MARCHF8: variants seen among roughly 807,000 people sequenced by gnomAD.
MARCHF8 encodes the protein E3 ubiquitin-protein ligase MARCHF8.
In MARCHF8, 40 loss-of-function variants were observed where a neutral mutation model predicts 51.6. The ratio of observed to expected loss-of-function variants is 0.77; its 90% confidence interval spans 0.60 to 1.01. The LOEUF (loss-of-function observed/expected upper bound fraction) is 1.01, where lower values mean the gene tolerates loss of function less well. Among genes scored for constraint, MARCHF8 ranks in the 50% least tolerant of loss-of-function variants. MARCHF8 has a pLI of 0.00. For missense variants in MARCHF8, 685 were observed against 708.6 expected, an observed-to-expected ratio of 0.97 and a Z score of 0.38; for synonymous variants, 263 against 280.3, an observed-to-expected ratio of 0.94 and a Z score of 0.62.
chr10:45,497,832 A>G (rs1190258574), intron 2 of MARCHF8, among the ~76,000 whole-genome samples: 1 of 152,212 alleles, frequency 6.6e-6, no homozygotes, highest in Admixed American at 6.5e-5. Context: ...GATTAAAGAA[A>G]GGTACAGAGA....
At chr10:45,568,758 C>A (rs1453010523) in intron 1 of MARCHF8, among the ~76,000 whole-genome samples, 1 of 143,284 alleles carries the variant, frequency 7.0e-6, no homozygotes, top group Non-Finnish European at 1.5e-5. Context: ...CTAATGATAG[C>A]TGGTGAGCTT....
intron 3 of MARCHF8, among the ~76,000 whole-genome samples, chr10:45,488,314 T>C (rs2043020529): frequency 6.6e-6 from 1 of 152,108 alleles, no homozygotes; most frequent in Non-Finnish European, 1.5e-5. Flanking sequence ...CTGAAAATGG[T>C]GACTCTCAGC....
chr10:45,458,668 T>C, intron 7 of MARCHF8, 125 bp from the exon 8 acceptor site: 1 of 1,041,206 alleles, frequency 9.6e-7, no homozygotes, highest in Non-Finnish European at 1.4e-6. Flanking sequence ...AGAGATGGAG[T>C]CTTGCTATGT....
chr10:45,506,422 G>C (rs2043387114), intron 2 of MARCHF8, among the ~76,000 whole-genome samples: 1 of 152,078 alleles, frequency 6.6e-6, no homozygotes, highest in African/African-American at 2.4e-5. Context: ...TAATGTCTAA[G>C]ATTATGGAAA....
intron 1 of MARCHF8, among the ~76,000 whole-genome samples, chr10:45,571,051 T>C (rs2044422917): frequency 6.6e-6 from 1 of 152,162 alleles, no homozygotes; most frequent in Non-Finnish European, 1.5e-5. Flanking sequence ...TTATAGAAAT[T>C]AGGCTTTTGA....
intron 3 of MARCHF8, among the ~76,000 whole-genome samples, chr10:45,479,030 A>G (rs894898506): frequency 1.3e-5 from 2 of 152,206 alleles, no homozygotes; most frequent in Non-Finnish European, 2.9e-5. Context: ...CCAAAACCAG[A>G]CAAGGACACA....
At position 45,545,878 on chromosome 10, in the gene MARCHF8, C is replaced by T. The variant is rs2044113384; in HGVS notation, c.-78-12589G>A. 2.6e-5 allele frequency among the ~76,000 whole-genome samples: 4 copies of T among 152,150 alleles called. No homozygotes were observed. In the South Asian group the frequency reaches 8.3e-4, roughly 31 times the overall value. ...CGCCCTCTGTCTCACTCTCACTTAA[C>T]CACTGGTTAGCAAGGCTAACCTTAA... On this transcript the variant is annotated intron_variant, in intron 1 of 6. Transcript: ENST00000319836.
In MARCHF8 at chr10:45,558,726, G is replaced by A. The variant is rs185840856; in HGVS notation, c.-78-25437C>T. ...TACATACAAACATACATATGTGTAT[G>A]TATGTATAACACCCAGCTACTGACA... is the stretch of plus-strand genomic sequence containing the variant. On this transcript the variant is annotated intron_variant, in intron 1 of 6. Coordinates refer to the MARCHF8 transcript ENST00000319836. Among the ~76,000 whole-genome samples, 179 of 152,342 alleles carry A rather than the reference G, an allele frequency of 1.2e-3. 1 individual carries two copies. The highest frequency in any genetic ancestry group is 3.8e-3 in the African/African-American group (160 of 41,572).
At chr10:45,502,817 G>GA (rs2133150611) in intron 2 of MARCHF8, among the ~76,000 whole-genome samples, 1 of 152,216 alleles carries the variant, frequency 6.6e-6, no homozygotes, top group East Asian at 1.9e-4. Context: ...AATGATACCA[G>GA]AAAACAATGT....
chr10:45,541,909 G>A (rs1011451576), intron 1 of MARCHF8, among the ~76,000 whole-genome samples: 1 of 152,212 alleles, frequency 6.6e-6, no homozygotes, highest in Non-Finnish European at 1.5e-5. Context: ...GACTGTGCCA[G>A]AGCAAAGGAC....
At chr10:45,577,375 A>C (rs2044502037) in intron 1 of MARCHF8, among the ~76,000 whole-genome samples, 1 of 152,146 alleles carries the variant, frequency 6.6e-6, no homozygotes, top group Non-Finnish European at 1.5e-5. Flanking sequence ...GTGTAATTGG[A>C]TTGCTTGTAA....
chr10:45,487,733 A>G lies in MARCHF8; in HGVS notation c.153+1634T>C, dbSNP rs541257707. ...TTACAAATATGCCTAAGAACAGACAAATGTCTTAAGAAGGTTTGCCAGAGT... is the reference window on the plus strand; with the variant it reads ...TTACAAATATGCCTAAGAACAGACAGATGTCTTAAGAAGGTTTGCCAGAGT... On this transcript the variant is annotated intron_variant, in intron 3 of 7. Transcript: ENST00000453424. Among the ~76,000 whole-genome samples the G allele has an allele frequency of 4.6e-5, 7 of 152,306 alleles. No homozygotes were observed. The South Asian group carries it at 1.4e-3, about 32-fold the overall frequency.
At chr10:45,567,733 G>A (rs1411809263) in intron 1 of MARCHF8, among the ~76,000 whole-genome samples, 2 of 152,122 alleles carry the variant, frequency 1.3e-5, no homozygotes, top group East Asian at 1.9e-4. Context: ...CTCCAGTCTT[G>A]TTCTTTTGCT....
At chr10:45,478,311 A>G (rs2042822835) in intron 3 of MARCHF8, among the ~76,000 whole-genome samples, 1 of 152,238 alleles carries the variant, frequency 6.6e-6, no homozygotes, top group Non-Finnish European at 1.5e-5. Context: ...GTGAAGGAAG[A>G]AATTAAGGAG....
intron 1 of MARCHF8, among the ~76,000 whole-genome samples, chr10:45,589,335 C>G (rs1042395814): frequency 1.3e-5 from 2 of 152,124 alleles, no homozygotes; most frequent in Non-Finnish European, 2.9e-5. Context: ...AGTCACATGG[C>G]TATAAGCAAG....
chr10:45,512,692 C>G (rs1416969627), intron 2 of MARCHF8, among the ~76,000 whole-genome samples: 1 of 152,108 alleles, frequency 6.6e-6, no homozygotes, highest in African/African-American at 2.4e-5. Context: ...TGAGGAGCCC[C>G]TCTGCCCGGC....
chr10:45,536,734 G>A (rs1028445538), upstream of MARCHF8, among the ~76,000 whole-genome samples: 2 of 151,442 alleles, frequency 1.3e-5, no homozygotes, highest in African/African-American at 2.4e-5. Context: ...AGTAGCTCAC[G>A]CCTATCATCT....
intron 3 of MARCHF8, among the ~76,000 whole-genome samples, chr10:45,481,993 A>G (rs942172837): frequency 1.3e-5 from 2 of 152,240 alleles, no homozygotes; most frequent in Non-Finnish European, 2.9e-5. Flanking sequence ...ATAAACATAC[A>G]AAAGTTGATA....
intron 1 of MARCHF8, among the ~76,000 whole-genome samples, chr10:45,570,557 T>C (rs987143811): frequency 1.3e-5 from 2 of 152,162 alleles, no homozygotes; most frequent in Admixed American, 6.5e-5. Flanking sequence ...ATGGCAAAGA[T>C]AGTGATAGAA....
Sources: allele counts gnomAD v4.1 joint callset (sites outside exome capture counted in the v4.1 genomes callset), GRCh38; gene constraint gnomAD v4.1.1; transcripts MANE v1.5; gene names NCBI Gene and HGNC (gene_info 2026-07-23, HGNC 2026-07-21).